The following SAMD5 variants were observed in gnomAD, a reference collection of about 807,000 sequenced individuals.
The protein encoded by SAMD5 is sterile alpha motif domain-containing protein 5.
In SAMD5, 13 loss-of-function variants were observed where a neutral mutation model predicts 11.3. The observed-to-expected ratio is 1.15, with a 90% CI of 0.75 to 1.83. SAMD5 has a LOEUF of 1.83. Among genes scored for constraint, SAMD5 ranks in the 40% most tolerant of loss-of-function variants. The pLI is 0.00. For synonymous variants in SAMD5, 129 were observed against 111.3 expected (o/e 1.16, Z -1.00); for missense variants, 255 against 239.1 (o/e 1.07, Z -0.44).
chr6:147,823,566 T>C, the SAMD5 span, among the ~76,000 whole-genome samples: 2 of 152,144 alleles, frequency 1.3e-5, no homozygotes. Flanking sequence ...GCATGGCATA[T>C]CTATACCTAT....
At chr6:147,623,601 A>G (rs1790004460) in intron 1 of SAMD5, among the ~76,000 whole-genome samples, 1 of 152,222 alleles carries the variant, frequency 6.6e-6, no homozygotes, top group Non-Finnish European at 1.5e-5. Context: ...GAAGGAAATA[A>G]TATAACCCAG....
chr6:147,932,433 T>C, the SAMD5 span, among the ~76,000 whole-genome samples: 6 of 152,136 alleles, frequency 3.9e-5, no homozygotes, highest in African/African-American at 1.2e-4. Flanking sequence ...AGTTACGTCA[T>C]CAGCAGTCAT....
In SAMD5 at chr6:147,509,274, G is replaced by T; in HGVS notation, c.346G>T (p.Ala116Ser). 1 of 1,555,226 alleles carries T rather than the reference G, an allele frequency of 6.4e-7. No homozygotes were observed. The highest frequency in any genetic ancestry group is 8.7e-7 in the Non-Finnish European group (1 of 1,154,108). The part of the protein sequence containing the change: ...TRGDSRGHTT[A>S]PRSRELVSYP... Reference sequence around the variant, plus strand: ...CGGGGACTCTCGCGGCCACACGACCGCCCCCCGCAGCAGGGAGCTGGTGAG... The same window carrying T: ...CGGGGACTCTCGCGGCCACACGACCTCCCCCCGCAGCAGGGAGCTGGTGAG... Residue 116 changes from alanine to serine, a missense_variant, in exon 1 of 2, where the codon GCC becomes TCC. By Grantham distance (99) the Ala-to-Ser change is moderately conservative. Coordinates refer to ENST00000367474, the MANE Select transcript of SAMD5 (RefSeq NM_001030060.3).
At chr6:147,540,810 T>G (rs1788588818) in intron 1 of SAMD5, among the ~76,000 whole-genome samples, 1 of 151,950 alleles carries the variant, frequency 6.6e-6, no homozygotes, top group Admixed American at 6.6e-5. Flanking sequence ...TGGTAGGAAT[T>G]TCTTACCCTT....
chr6:147,608,521 A>G (rs1789734930), intron 1 of SAMD5, among the ~76,000 whole-genome samples: 1 of 152,202 alleles, frequency 6.6e-6, no homozygotes, highest in Non-Finnish European at 1.5e-5. Flanking sequence ...CATCATGTTA[A>G]GTGAAATAAG....
chr6:147,688,202 A>G (rs1791045939), intron 1 of SAMD5, among the ~76,000 whole-genome samples: 2 of 151,426 alleles, frequency 1.3e-5, no homozygotes, highest in Admixed American at 1.3e-4. Context: ...TTTCAACTTT[A>G]TTAATCTTGG....
the SAMD5 span, among the ~76,000 whole-genome samples, chr6:147,942,164 A>C: frequency 6.6e-6 from 1 of 152,172 alleles, no homozygotes; most frequent in African/African-American, 2.4e-5. Flanking sequence ...GGCGTGAGCC[A>C]CTGCGCCTGG....
At chr6:147,659,121 A>C (rs149577564) in intron 1 of SAMD5, among the ~76,000 whole-genome samples, 245 of 152,332 alleles carry the variant, frequency 1.6e-3, no homozygotes, top group African/African-American at 5.8e-3. Context: ...CATTTAGACC[A>C]GTGTGTTCTT....
At chr6:147,742,263 TTGTG>T (rs1237076137), downstream of SAMD5, among the ~76,000 whole-genome samples, 5 of 151,406 alleles carry the variant, frequency 3.3e-5, no homozygotes, top group African/African-American at 7.3e-5. Flanking sequence ...TGTGTGTGTG[TTGTG>T]TGTGTTTGTG....
At chr6:147,611,411 A>AG (rs1187690953) in intron 1 of SAMD5, among the ~76,000 whole-genome samples, 2 of 151,924 alleles carry the variant, frequency 1.3e-5, no homozygotes, top group Non-Finnish European at 2.9e-5. Flanking sequence ...AAAAATAGAA[A>AG]AATTAGCCAG....
chr6:147,866,673 C>T, the SAMD5 span, among the ~76,000 whole-genome samples: 3 of 152,018 alleles, frequency 2.0e-5, no homozygotes, highest in East Asian at 3.9e-4. Flanking sequence ...TCTCTTTTAC[C>T]CACTCAATTT....
At chr6:147,754,230 A>T in the SAMD5 span, among the ~76,000 whole-genome samples, 1 of 152,074 alleles carries the variant, frequency 6.6e-6, no homozygotes, top group Non-Finnish European at 1.5e-5. Flanking sequence ...TTGTCTTTTG[A>T]ATATAAGCCA....
At chr6:147,781,778 A>G in the SAMD5 span, among the ~76,000 whole-genome samples, 940 of 66,326 alleles carry the variant, frequency 0.014, 3 homozygotes, top group Middle Eastern at 0.018. Flanking sequence ...GTGCGCACAC[A>G]CACACACACA....
the SAMD5 span, among the ~76,000 whole-genome samples, chr6:147,751,440 T>G: frequency 1.3e-5 from 2 of 152,166 alleles, no homozygotes; most frequent in African/African-American, 4.8e-5. Flanking sequence ...GAACAGTTCC[T>G]GGTACATAGT....
the SAMD5 span, among the ~76,000 whole-genome samples, chr6:147,798,672 A>G: frequency 0.012 from 1,751 of 152,126 alleles, 38 homozygotes; most frequent in African/African-American, 0.041. Flanking sequence ...GTGGGGTGTT[A>G]AAGTCTCCCA....
chr6:147,798,056 T>C, the SAMD5 span, among the ~76,000 whole-genome samples: 1 of 149,054 alleles, frequency 6.7e-6, no homozygotes, highest in Non-Finnish European at 1.5e-5. Context: ...GTTTTTTTTG[T>C]CTCTATTTCC....
At chr6:147,675,147 G>T (rs1374910804) in intron 1 of SAMD5, among the ~76,000 whole-genome samples, 10 of 152,170 alleles carry the variant, frequency 6.6e-5, no homozygotes, top group Non-Finnish European at 1.3e-4. Flanking sequence ...ATAAAAACCA[G>T]AATGTTCATA....
At chr6:147,763,153 T>C in the SAMD5 span, among the ~76,000 whole-genome samples, 19 of 151,702 alleles carry the variant, frequency 1.3e-4, no homozygotes, top group East Asian at 3.5e-3. Flanking sequence ...TTCATTGTGG[T>C]TTTTTGTTTG....
Position 147,508,933 on chromosome 6 carries a change from G to A in SAMD5, c.5G>A (p.Cys2Tyr), listed in dbSNP as rs1383318377. The A allele has an allele frequency of 6.3e-7, 1 of 1,592,348 alleles. No homozygotes were observed. The highest frequency in any genetic ancestry group is 1.4e-5 in the African/African-American group (1 of 73,520). Residue 2 changes from cysteine to tyrosine, a missense_variant, in exon 1 of 2, where the codon TGC becomes TAC. Transcript: ENST00000367474. M[C>Y]TNIVYEWLKA... is the part of the protein sequence containing the mutation. ...GGCGGGGTTCCCGGTCCCACCATGT[G>A]CACCAACATAGTTTACGAGTGGCTC...
Sources: gnomAD v4.1 joint callset for allele counts (sites outside exome capture counted in the v4.1 genomes callset) on GRCh38, gnomAD v4.1.1 for gene constraint, MANE v1.5 for transcripts, NCBI Gene and HGNC (gene_info 2026-07-23, HGNC 2026-07-21) for gene names.